Variants in PARD3B observed in about 807,000 individuals in gnomAD.
PARD3B encodes partitioning defective 3 homolog B.
PARD3B carries 103 observed loss-of-function variants against 130.2 expected under a neutral mutation model. The ratio of observed to expected loss-of-function variants is 0.79; its 90% CI spans 0.67 to 0.93. PARD3B has a LOEUF of 0.93. PARD3B is among the 40% of genes least tolerant of loss of function. The pLI, the probability that PARD3B is intolerant of heterozygous loss-of-function variation, is 0.00. For missense variants in PARD3B, 1,609 were observed against 1,499.2 expected, an observed-to-expected ratio of 1.07 and a Z score of -1.21; for synonymous variants, 583 against 553.2, an observed-to-expected ratio of 1.05 and a Z score of -0.76.
At chr2:205,419,259 G>A (rs1054834554) in intron 19 of PARD3B, among the ~76,000 whole-genome samples, 1 of 152,080 alleles carries the variant, frequency 6.6e-6, no homozygotes, top group Admixed American at 6.6e-5. Context: ...TAAAGAGGAG[G>A]AGTTCCCTGC....
intron 1 of PARD3B, among the ~76,000 whole-genome samples, chr2:204,567,051 G>A (rs922832584): frequency 2.0e-5 from 3 of 151,938 alleles, no homozygotes; most frequent in East Asian, 1.9e-4. Context: ...GCTAATTTTT[G>A]TATGTTTAGT....
chr2:205,133,588 T>C (rs530372844), intron 10 of PARD3B, among the ~76,000 whole-genome samples: 31 of 152,352 alleles, frequency 2.0e-4, no homozygotes, highest in Admixed American at 7.2e-4. Flanking sequence ...TGGCTATTGC[T>C]GACTAGCTTC....
At chr2:205,335,948 C>T (rs2043299622) in intron 18 of PARD3B, among the ~76,000 whole-genome samples, 1 of 152,152 alleles carries the variant, frequency 6.6e-6, no homozygotes, top group Admixed American at 6.5e-5. Flanking sequence ...TCAATCACCT[C>T]CCGCCAGTTC....
intron 3 of PARD3B, 40 bp from the exon 4 acceptor site, chr2:205,047,541 A>G: frequency 7.4e-7 from 1 of 1,352,432 alleles, no homozygotes; most frequent in Non-Finnish European, 1.0e-6. Flanking sequence ...TCTTCACCCC[A>G]GGGTTCTTTT....
At chr2:205,154,088 C>T (rs2033947348) in intron 10 of PARD3B, among the ~76,000 whole-genome samples, 3 of 152,122 alleles carry the variant, frequency 2.0e-5, no homozygotes, top group Admixed American at 1.3e-4. Flanking sequence ...GCAAAAGAAA[C>T]TACCATCAGA....
intron 22 of PARD3B, among the ~76,000 whole-genome samples, chr2:205,565,531 G>T (rs1018938034): frequency 1.3e-5 from 2 of 152,194 alleles, no homozygotes; most frequent in Admixed American, 1.3e-4. Context: ...ATAATGTGAA[G>T]ACTCTGCCTT....
At chr2:204,645,042 C>T (rs2035225658) in intron 1 of PARD3B, among the ~76,000 whole-genome samples, 4 of 151,934 alleles carry the variant, frequency 2.6e-5, no homozygotes, top group Admixed American at 2.0e-4. Flanking sequence ...GTGATTTTGT[C>T]TTTAGATTCT....
chr2:205,339,395 A>G (rs988427719), intron 18 of PARD3B, among the ~76,000 whole-genome samples: 2 of 152,164 alleles, frequency 1.3e-5, no homozygotes, highest in African/African-American at 4.8e-5. Context: ...CAACTCAGGT[A>G]GTGATTGAGG....
chr2:205,572,927 T>G lies in PARD3B; in HGVS notation c.3260+19524T>G, dbSNP rs1388508721. Among the ~76,000 whole-genome samples the G allele has an allele frequency of 6.6e-6, 1 of 152,152 alleles. No homozygotes were observed. The highest frequency in any genetic ancestry group is 1.5e-5 in the Non-Finnish European group (1 of 68,038). Reference sequence around the variant, plus strand: ...GGGTAATTTATAAAGGAAAGAGGTTTAATTGACTCACAGTTCAGCATGGCT... The same window carrying G: ...GGGTAATTTATAAAGGAAAGAGGTTGAATTGACTCACAGTTCAGCATGGCT... On this transcript the variant is annotated intron_variant, in intron 22 of 22. Transcript: ENST00000406610. The surrounding 1 kb of genome is among the most constrained non-coding windows in gnomAD (Gnocchi z 4.2).
chr2:205,495,734 G>A (rs759654013), intron 20 of PARD3B, among the ~76,000 whole-genome samples: 8 of 152,176 alleles, frequency 5.3e-5, no homozygotes, highest in Non-Finnish European at 1.2e-4. Context: ...AAAATGAGAT[G>A]AAGGAAGGGA....
At position 205,300,654 on chromosome 2, in the gene PARD3B, C is replaced by G; in HGVS notation, c.2310C>G (p.His770Gln). The G allele has an allele frequency of 6.2e-7, 1 of 1,613,984 alleles. No homozygotes were observed. Among genetic ancestry groups the G allele is most frequent in the African/African-American group, 1.3e-5 (1 of 75,042 alleles). The change falls in exon 17 of 23, where the codon CAC (histidine) becomes CAG (glutamine). Residue 770 changes from histidine to glutamine, a missense_variant. Physicochemically the swap from His to Gln is conservative, Grantham distance 24. Coordinates refer to ENST00000406610, the MANE Select transcript of PARD3B (RefSeq NM_001302769.2). This position sits in a 1 kb window ranked among gnomAD's most constrained non-coding sequence, Gnocchi z 4.1. ...NDLPFHRPRP[H>Q]MVRGRGCNES... ...TTCCCTTTCACAGGCCCCGGCCGCACATGGTTCGAGGCCGAGGCTGCAATG... is the reference window on the plus strand; with the variant it reads ...TTCCCTTTCACAGGCCCCGGCCGCAGATGGTTCGAGGCCGAGGCTGCAATG...
rs542521548 is a variant in PARD3B, at chr2:204,958,324, ATATT to A, written c.223-6825_223-6822del. 3.3e-5 allele frequency among the ~76,000 whole-genome samples: 5 copies of A among 152,278 alleles called. No individual in the cohort carries two copies. The South Asian group carries it at 1.0e-3, about 32-fold the overall frequency. Reference sequence around the variant, plus strand: ...GTACTTCATGGCATTTATTGTTAAAATATTTACTTGTCGGCATAGAAGTTGAAGG... The same window carrying A: ...GTACTTCATGGCATTTATTGTTAAAATACTTGTCGGCATAGAAGTTGAAGG... On this transcript the variant is annotated intron_variant, in intron 2 of 22. Coordinates refer to ENST00000406610, the MANE Select transcript of PARD3B (RefSeq NM_001302769.2).
intron 10 of PARD3B, among the ~76,000 whole-genome samples, chr2:205,153,751 A>T (rs1166819837): frequency 1.3e-5 from 2 of 152,192 alleles, no homozygotes; most frequent in Non-Finnish European, 2.9e-5. Context: ...ATACATCCGT[A>T]ACCATCTGAT....
At chr2:204,910,788 T>C (rs1027519785) in intron 2 of PARD3B, among the ~76,000 whole-genome samples, 1 of 152,078 alleles carries the variant, frequency 6.6e-6, no homozygotes, top group East Asian at 1.9e-4. Flanking sequence ...ACTACAGGCG[T>C]GCACCACTAC....
chr2:205,561,327 G>GT (rs2053127610), intron 22 of PARD3B, among the ~76,000 whole-genome samples: 1 of 152,136 alleles, frequency 6.6e-6, no homozygotes, highest in African/African-American at 2.4e-5. Flanking sequence ...CCACAGTACT[G>GT]GGCGTTGGCT....
chr2:204,845,592 C>G (rs1336251038), intron 2 of PARD3B, among the ~76,000 whole-genome samples: 2 of 152,012 alleles, frequency 1.3e-5, no homozygotes, highest in African/African-American at 4.8e-5. Flanking sequence ...AAAGATTGCA[C>G]CTATGCATGA....
chr2:204,697,918 G>A (rs1229026747), intron 2 of PARD3B, among the ~76,000 whole-genome samples: 7 of 152,120 alleles, frequency 4.6e-5, no homozygotes, highest in Admixed American at 6.6e-5. Context: ...GATTTGCTGA[G>A]TCCTTCTGGG....
chr2:204,760,595 A>T (rs1224185389), intron 2 of PARD3B, among the ~76,000 whole-genome samples: 1 of 152,026 alleles, frequency 6.6e-6, no homozygotes, highest in Non-Finnish European at 1.5e-5. Flanking sequence ...GGAACCCTTT[A>T]CTTTGAGGCA....
At chr2:204,878,808 G>A (rs1033265030) in intron 2 of PARD3B, among the ~76,000 whole-genome samples, 2 of 152,148 alleles carry the variant, frequency 1.3e-5, no homozygotes, top group Non-Finnish European at 2.9e-5. Context: ...ACTTTTTATT[G>A]TTAGCTCTGA....
Sources: gnomAD v4.1 joint callset for allele counts (sites outside exome capture counted in the v4.1 genomes callset) on GRCh38, gnomAD v4.1.1 for gene constraint, Gnocchi (gnomAD v3.1) non-coding constraint, MANE v1.5 for transcripts, NCBI Gene and HGNC (gene_info 2026-07-23, HGNC 2026-07-21) for gene names.